TMEM30A: variants seen among roughly 807,000 people sequenced by gnomAD.
TMEM30A encodes the protein cell cycle control protein 50A.
In TMEM30A, 24 loss-of-function variants were observed where a neutral mutation model predicts 38.2. The observed-to-expected ratio is 0.63, with a 90% CI of 0.46 to 0.88. The LOEUF (loss-of-function observed/expected upper bound fraction) is 0.88. Among genes scored for constraint, TMEM30A ranks in the 40% least tolerant of loss-of-function variants. The pLI, the probability that TMEM30A is intolerant of heterozygous loss-of-function variation, is 0.00. For synonymous variants in TMEM30A, 145 were observed against 161.6 expected, an observed-to-expected ratio of 0.90 and a Z score of 0.78; for missense variants, 370 against 458.6, an observed-to-expected ratio of 0.81 and a Z score of 1.77.
At chr6:75,279,431 A>G (rs1003074440) in intron 1 of TMEM30A, among the ~76,000 whole-genome samples, 3 of 152,080 alleles carry the variant, frequency 2.0e-5, no homozygotes, top group African/African-American at 7.2e-5. Context: ...TAAAGTTCAC[A>G]CTAAAGCACA....
At chr6:75,257,946 C>A (rs1385363574) in intron 6 of TMEM30A, among the ~76,000 whole-genome samples, 1 of 152,126 alleles carries the variant, frequency 6.6e-6, no homozygotes, top group Admixed American at 6.6e-5. Context: ...GATGCAAAGA[C>A]TTTGGTTAGA....
intron 6 of TMEM30A, among the ~76,000 whole-genome samples, chr6:75,258,371 T>C (rs1030207278): frequency 6.6e-6 from 1 of 152,176 alleles, no homozygotes; most frequent in African/African-American, 2.4e-5. Flanking sequence ...AACAATTACA[T>C]TGATACAAAT....
At chr6:75,263,401 C>T (rs1772007124) in intron 3 of TMEM30A, among the ~76,000 whole-genome samples, 2 of 152,126 alleles carry the variant, frequency 1.3e-5, no homozygotes, top group African/African-American at 4.8e-5. Flanking sequence ...AAAAACTTCA[C>T]TATAGCTGCT....
At chr6:75,267,854 C>G in intron 1 of TMEM30A, 106 bp from the exon 2 acceptor site, 1 of 650,168 alleles carries the variant, frequency 1.5e-6, no homozygotes, top group Non-Finnish European at 2.4e-6. Context: ...ATGAAATGAC[C>G]TAGAGCTCAG....
intron 2 of TMEM30A, among the ~76,000 whole-genome samples, chr6:75,267,220 T>C (rs899022451): frequency 1.3e-5 from 2 of 152,228 alleles, no homozygotes; most frequent in African/African-American, 4.8e-5. Flanking sequence ...TAATGCTTCA[T>C]ATGTCATAAA....
At chr6:75,256,843 TA>T (rs1285422172) in intron 6 of TMEM30A, 8 of 450,686 alleles carry the variant, frequency 1.8e-5, no homozygotes, top group Admixed American at 1.2e-4. Flanking sequence ...ACACAGCTGA[TA>T]GCTAACAGTG....
At chr6:75,265,413 GC>G in intron 2 of TMEM30A, 75 bp from the exon 3 acceptor site, 1 of 813,030 alleles carries the variant, frequency 1.2e-6, no homozygotes, top group Non-Finnish European at 1.8e-6. Context: ...GTACATAAAA[GC>G]TACGTAATTT....
At chr6:75,284,144 A>G in intron 1 of TMEM30A, 1 of 543,054 alleles carries the variant, frequency 1.8e-6, no homozygotes, top group Non-Finnish European at 3.3e-6. Context: ...TTCTGCATTA[A>G]ACATTCATTC....
intron 1 of TMEM30A, among the ~76,000 whole-genome samples, chr6:75,273,653 C>T (rs1772214049): frequency 6.6e-6 from 1 of 152,176 alleles, no homozygotes; most frequent in African/African-American, 2.4e-5. Flanking sequence ...ATATTTGTCT[C>T]TCTTTGCTGC....
In TMEM30A at chr6:75,284,418, T is replaced by C; in HGVS notation, c.221A>G (p.Asn74Ser). Residue 74 changes from asparagine to serine, a missense_variant, in exon 1 of 7, where the codon AAC becomes AGC. Asn to Ser is a conservative substitution (Grantham distance 46). Coordinates refer to ENST00000230461, the MANE Select transcript of TMEM30A (RefSeq NM_018247.4). ...IGIGIFVTSN[N>S]IREIEIDYTG... Reference sequence around the variant, plus strand: ...TCCCCTCACCTCGATCTCGCGGATGTTGTTGGAGGTGACAAAAATGCCAAT... The same window carrying C: ...TCCCCTCACCTCGATCTCGCGGATGCTGTTGGAGGTGACAAAAATGCCAAT... 2 of 1,613,542 alleles carry C rather than the reference T, an allele frequency of 1.2e-6. No homozygotes were observed. Among genetic ancestry groups the C allele is most frequent in the Non-Finnish European group, 1.7e-6 (2 of 1,179,540 alleles).
At chr6:75,279,201 A>T (rs1279388896) in intron 1 of TMEM30A, among the ~76,000 whole-genome samples, 2 of 152,140 alleles carry the variant, frequency 1.3e-5, no homozygotes. Flanking sequence ...TTTGAAGAAA[A>T]TGTATGAAGA....
intron 6 of TMEM30A, chr6:75,256,750 G>C: frequency 2.1e-6 from 1 of 485,226 alleles, no homozygotes; most frequent in South Asian, 1.5e-5. Context: ...ACTATGAAAA[G>C]GCTCTGAGCA....
chr6:75,263,593 G>C (rs1242280191), intron 3 of TMEM30A, among the ~76,000 whole-genome samples: 1 of 152,110 alleles, frequency 6.6e-6, no homozygotes, highest in African/African-American at 2.4e-5. Context: ...GACCTCCAGG[G>C]AAACAGTAAA....
Position 75,256,045 on chromosome 6 carries a change from G to A in TMEM30A, c.*57C>T, listed in dbSNP as rs1436025384. On this transcript the variant is annotated 3_prime_UTR_variant, in exon 7 of 7. Transcript: ENST00000230461. ...ACCAGATATCAGCATTCGAAAGCTAGGTTGAATAGGACTGGCCTTGATGCA... is the reference window on the plus strand; with the variant it reads ...ACCAGATATCAGCATTCGAAAGCTAAGTTGAATAGGACTGGCCTTGATGCA... 1 of 1,242,972 alleles carries A rather than the reference G, an allele frequency of 8.0e-7. No homozygotes were observed. Among genetic ancestry groups the A allele is most frequent in the African/African-American group, 1.5e-5 (1 of 65,346 alleles). The allele number at this position is 1,242,972 out of a possible 1,614,324, so 77.0% of individuals were successfully genotyped here. A position where few individuals can be genotyped will look rare whatever the true frequency, so the allele number is the denominator to read the frequency against.
chr6:75,274,134 A>G (rs992899597), intron 1 of TMEM30A, among the ~76,000 whole-genome samples: 2 of 152,236 alleles, frequency 1.3e-5, no homozygotes, highest in Admixed American at 6.5e-5. Context: ...AGGAGAATCA[A>G]GGAAGACTTT....
chr6:75,266,001 A>G (rs1051235283), intron 2 of TMEM30A, among the ~76,000 whole-genome samples: 4 of 152,230 alleles, frequency 2.6e-5, no homozygotes, highest in Non-Finnish European at 4.4e-5. Context: ...CCACTTTATA[A>G]TAATCAAGAA....
intron 1 of TMEM30A, among the ~76,000 whole-genome samples, chr6:75,275,012 A>C (rs1437776348): frequency 0.024 from 45 of 1,866 alleles, no homozygotes; most frequent in Admixed American, 0.033. Flanking sequence ...CTCTGTCTCA[A>C]AAAAAAAAAA....
Position 75,255,349 on chromosome 6 carries a change from A to G in TMEM30A, c.*753T>C, listed in dbSNP as rs899472802. On this transcript the variant is annotated 3_prime_UTR_variant, in exon 7 of 7. Coordinates refer to ENST00000230461, the MANE Select transcript of TMEM30A (RefSeq NM_018247.4). ...TGAATTCTTTCTTCCCTTATAAAGT[A>G]TAAGCTTCAAGGGAAATGATTACAT... The G allele has an allele frequency of 6.6e-6, 1 of 152,562 alleles. No homozygotes were observed. Among genetic ancestry groups the G allele is most frequent in the Non-Finnish European group, 1.5e-5 (1 of 67,978 alleles). 9.5% of individuals were successfully genotyped at this position (152,562 alleles called of 1,614,324 possible).
At chr6:75,259,258 A>C in intron 5 of TMEM30A, 89 bp downstream of exon 5, 1 of 1,425,520 alleles carries the variant, frequency 7.0e-7, no homozygotes, top group Non-Finnish European at 9.5e-7. Flanking sequence ...TTTTCAAAGC[A>C]TAACTTTAAG....
Sources: allele counts gnomAD v4.1 joint callset (sites outside exome capture counted in the v4.1 genomes callset), GRCh38; gene constraint gnomAD v4.1.1; transcripts MANE v1.5; gene names NCBI Gene and HGNC (gene_info 2026-07-23, HGNC 2026-07-21).